ZRANB1: variants seen among roughly 807,000 people sequenced by gnomAD.
The protein encoded by ZRANB1 is zinc finger RANBP2-type containing 1.
Under a neutral mutation model 80.5 loss-of-function variants are expected in ZRANB1, and 16 were observed. The ratio of observed to expected loss-of-function variants is 0.20; its 90% CI spans 0.13 to 0.30. ZRANB1 has a LOEUF of 0.30. Among genes scored for constraint, ZRANB1 ranks in the 10% least tolerant of loss-of-function variants. The pLI is 1.00. For missense variants in ZRANB1, 576 were observed against 862.6 expected (o/e 0.67, Z 4.16); for synonymous variants, 291 against 293.1 (o/e 0.99, Z 0.07).
chr10:124,959,155 T>C (rs1951710187), intron 1 of ZRANB1, among the ~76,000 whole-genome samples: 2 of 152,222 alleles, frequency 1.3e-5, no homozygotes, highest in South Asian at 4.1e-4. Flanking sequence ...TACAGGGTCC[T>C]AGAAGGAGCA....
At chr10:124,972,840 G>A (rs1395005328) in intron 3 of ZRANB1, among the ~76,000 whole-genome samples, 1 of 151,476 alleles carries the variant, frequency 6.6e-6, no homozygotes, top group Admixed American at 6.6e-5. Context: ...TGCAATGGGC[G>A]TGATCATAGC....
chr10:124,972,644 T>G (rs1314059475), intron 3 of ZRANB1, among the ~76,000 whole-genome samples: 1 of 152,218 alleles, frequency 6.6e-6, no homozygotes, highest in Non-Finnish European at 1.5e-5. Flanking sequence ...AACTTTTCAT[T>G]TTTCAATTCA....
chr10:124,971,658 C>T (rs1951826920), intron 2 of ZRANB1, among the ~76,000 whole-genome samples: 1 of 152,184 alleles, frequency 6.6e-6, no homozygotes, highest in African/African-American at 2.4e-5. Context: ...TGTCCTCTCT[C>T]CTCTTCCTGT....
chr10:124,922,134 G>A, the ZRANB1 span, among the ~76,000 whole-genome samples: 4 of 150,986 alleles, frequency 2.6e-5, no homozygotes, highest in African/African-American at 4.9e-5. Context: ...GTAGAGACAA[G>A]ATCTCTCTAT....
At chr10:124,951,262 C>T (rs1951636812) in intron 1 of ZRANB1, among the ~76,000 whole-genome samples, 1 of 152,014 alleles carries the variant, frequency 6.6e-6, no homozygotes, top group South Asian at 2.1e-4. Context: ...AAAGTTTCTA[C>T]TGTTGAAATA....
upstream of ZRANB1, among the ~76,000 whole-genome samples, chr10:124,938,927 A>G (rs558591097): frequency 5.9e-5 from 9 of 152,022 alleles, no homozygotes; most frequent in South Asian, 1.9e-3. Context: ...CTGTAATGCC[A>G]GCTCTTTGGG....
chr10:124,979,762 TTAATTG>T, intron 5 of ZRANB1, among the ~76,000 whole-genome samples: 1 of 152,226 alleles, frequency 6.6e-6, no homozygotes, highest in Non-Finnish European at 1.5e-5. Flanking sequence ...TTCGGTACCT[TTAATTG>T]AAAAAAACCC....
At chr10:124,979,186 C>T (rs998342718) in intron 5 of ZRANB1, among the ~76,000 whole-genome samples, 1 of 152,026 alleles carries the variant, frequency 6.6e-6, no homozygotes, top group African/African-American at 2.4e-5. Flanking sequence ...GTCTTGAACT[C>T]CTGGGCTCAG....
intron 1 of ZRANB1, among the ~76,000 whole-genome samples, chr10:124,946,871 A>G (rs1481361783): frequency 6.6e-6 from 1 of 152,194 alleles, no homozygotes; most frequent in Non-Finnish European, 1.5e-5. Flanking sequence ...TATGTTCCCC[A>G]GATTTCATTA....
Position 124,971,914 on chromosome 10 carries a change from G to A in ZRANB1, c.1003-51G>A, listed in dbSNP as rs375674079. On this transcript the variant is annotated intron_variant, in intron 2 of 8. Coordinates refer to ENST00000359653, the MANE Select transcript of ZRANB1 (RefSeq NM_017580.3). ...TTTCTTTTAAATACTGTTGTTTTCT[G>A]CTTCCACTTATGATACATGAGATGA... is the stretch of plus-strand genomic sequence containing the variant. 22 of 1,463,616 alleles carry A rather than the reference G, an allele frequency of 1.5e-5. No homozygotes were observed. In the South Asian group the frequency reaches 2.0e-4, roughly 14 times the overall value. 90.7% of individuals were successfully genotyped at this position (1,463,616 alleles called of 1,614,324 possible). A position where few individuals can be genotyped will look rare whatever the true frequency, so the allele number is the denominator to read the frequency against.
At chr10:124,974,453 C>T in intron 5 of ZRANB1, 55 bp downstream of exon 5, 2 of 1,570,946 alleles carry the variant, frequency 1.3e-6, no homozygotes, top group African/African-American at 1.3e-5. Context: ...TGGATTATTT[C>T]CTTGTAGTGG....
Position 124,987,592 on chromosome 10 carries a change from TTTTG to T in ZRANB1, c.*2603_*2606del, listed in dbSNP as rs1393478706. 1 of 152,146 alleles carries T rather than the reference TTTTG, an allele frequency of 6.6e-6. No individual in the cohort carries two copies. Among genetic ancestry groups the T allele is most frequent in the African/African-American group, 2.4e-5 (1 of 41,424 alleles). 9.4% of individuals were successfully genotyped at this position (152,146 alleles called of 1,614,324 possible). The stretch of plus-strand genomic sequence containing the variant: ...TGGTTACGAAGACGTTAAACTACCT[TTTTG>T]TTCCCTGGGGTAATAGGTCAGTAAC... On this transcript the variant is annotated 3_prime_UTR_variant, in exon 9 of 9. Coordinates refer to ENST00000359653, the MANE Select transcript of ZRANB1 (RefSeq NM_017580.3).
rs1564965630 is a variant in ZRANB1, at chr10:124,973,696, T to G, written c.1208T>G (p.Leu403Arg). 1.2e-6 allele frequency: 2 copies of G among 1,612,598 alleles called. No individual in the cohort carries two copies. Among genetic ancestry groups the G allele is most frequent in the Admixed American group, 1.7e-5 (1 of 59,686 alleles). Residue 403 changes from leucine to arginine, a missense_variant, in exon 4 of 9, where the codon CTT (leucine) becomes CGT (arginine). Physicochemically the swap from Leu to Arg is moderately radical, Grantham distance 102. Around this residue, in one of 3 missense-constraint regions of ZRANB1, gnomAD observed 411 missense variants for 583.1 expected, o/e 0.70. Coordinates refer to ENST00000359653, the MANE Select transcript of ZRANB1 (RefSeq NM_017580.3). ...CAAGAAAAATTATTTGATGAGGTGC[T>G]TGATAGAGACGTTCAAAAAGGTAAG... is the stretch of plus-strand genomic sequence containing the variant. ...TVQEKLFDEV[L>R]DRDVQKELEE...
chr10:124,956,923 G>GT lies in ZRANB1; in HGVS notation c.815-9668dup, dbSNP rs202129000. Among the ~76,000 whole-genome samples the GT allele has an allele frequency of 6.6e-5, 10 of 152,290 alleles. No individual in the cohort carries two copies. In the East Asian group the frequency reaches 1.9e-3, roughly 29 times the overall value. ...CTTTCTCGTGTGTATTCTCTGAACT[G>GT]TTTGAGAGTTAGCTGAAGACATCAT... On this transcript the variant is annotated intron_variant, in intron 1 of 8. Transcript: ENST00000359653.
intron 1 of ZRANB1, among the ~76,000 whole-genome samples, chr10:124,953,738 T>A (rs564623829): frequency 5.3e-5 from 8 of 152,352 alleles, no homozygotes; most frequent in African/African-American, 1.7e-4. Context: ...TGCTTTGCAG[T>A]CATCATTACT....
At position 124,976,291 on chromosome 10, in the gene ZRANB1, A is replaced by C. The variant is rs139457861; in HGVS notation, c.1427+1893A>C. On this transcript the variant is annotated intron_variant, in intron 5 of 8. Coordinates refer to ENST00000359653, the MANE Select transcript of ZRANB1 (RefSeq NM_017580.3). Reference sequence around the variant, plus strand: ...GCCCTCTTGATCAGATCCTGTGGTCACCAAGCAGCTTCCTGTTGCTGATTT... The same window carrying C: ...GCCCTCTTGATCAGATCCTGTGGTCCCCAAGCAGCTTCCTGTTGCTGATTT... Among the ~76,000 whole-genome samples, 810 of 152,246 alleles carry C rather than the reference A, an allele frequency of 5.3e-3. 9 individuals are homozygous for C. The highest frequency in any genetic ancestry group is 0.018 in the African/African-American group (768 of 41,528).
upstream of ZRANB1, among the ~76,000 whole-genome samples, chr10:124,940,304 T>C (rs1951523488): frequency 6.6e-6 from 1 of 152,222 alleles, no homozygotes; most frequent in Admixed American, 6.5e-5. Context: ...TTGATAAAAA[T>C]AAAGCCTTAA....
At chr10:124,930,914 C>T in the ZRANB1 span, among the ~76,000 whole-genome samples, 1 of 151,938 alleles carries the variant, frequency 6.6e-6, no homozygotes, top group Non-Finnish European at 1.5e-5. Context: ...CCTGTAGGCC[C>T]AGCTACTCTG....
chr10:124,949,479 G>GTA (rs1200959720), intron 1 of ZRANB1, among the ~76,000 whole-genome samples: 4 of 142,980 alleles, frequency 2.8e-5, no homozygotes, highest in Non-Finnish European at 6.0e-5. Flanking sequence ...ACACATATAT[G>GTA]TATATATATT....
Sources: allele counts gnomAD v4.1 joint callset (sites outside exome capture counted in the v4.1 genomes callset), GRCh38; gene constraint gnomAD v4.1.1; regional missense constraint gnomAD v4.1.1; transcripts MANE v1.5; gene names NCBI Gene and HGNC (gene_info 2026-07-23, HGNC 2026-07-21).